The following CASP10 variants were observed in gnomAD, a reference collection of about 807,000 sequenced individuals.
CASP10 encodes the protein caspase 10, also known as caspase-10.
In CASP10, 41 loss-of-function variants were observed where a neutral mutation model predicts 48.5. The ratio of observed to expected loss-of-function variants is 0.85; its 90% CI spans 0.66 to 1.10. CASP10 has a LOEUF of 1.10. Ranked by LOEUF, CASP10 falls within the 50% of genes least tolerant of loss-of-function variation. CASP10 has a pLI of 0.00. For synonymous variants in CASP10, 232 were observed against 238.4 expected, an observed-to-expected ratio of 0.97 and a Z score of 0.25; for missense variants, 614 against 614.5, an observed-to-expected ratio of 1.00 and a Z score of 0.01.
intron 1 of CASP10, among the ~76,000 whole-genome samples, chr2:201,183,595 G>A (rs1019197076): frequency 1.3e-4 from 20 of 152,124 alleles, no homozygotes; most frequent in African/African-American, 4.6e-4. Context: ...TGCTAGATGC[G>A]GTAGAATAGA....
In CASP10 at chr2:201,218,626, T is replaced by A; in HGVS notation, c.*885T>A. On this transcript the variant is annotated 3_prime_UTR_variant, in exon 10 of 10. Transcript: ENST00000286186. Reference sequence around the variant, plus strand: ...CTGGGGACCAGGTGCATTTTAAGGTTCCTTGGTGTTCAAAAACCACGTTCT... The same window carrying A: ...CTGGGGACCAGGTGCATTTTAAGGTACCTTGGTGTTCAAAAACCACGTTCT... The A allele has an allele frequency of 1.0e-6, 1 of 985,386 alleles. No homozygotes were observed. Among genetic ancestry groups the A allele is most frequent in the Non-Finnish European group, 1.2e-6 (1 of 829,938 alleles). 61.0% of individuals were successfully genotyped at this position (985,386 alleles called of 1,614,324 possible). A position where few individuals can be genotyped will look rare whatever the true frequency, so the allele number is the denominator to read the frequency against.
At position 201,206,021 on chromosome 2, in the gene CASP10, C is replaced by T. The variant is rs534328018; in HGVS notation, c.813+48C>T. On this transcript the variant is annotated intron_variant, in intron 7 of 9. Coordinates refer to ENST00000286186, the MANE Select transcript of CASP10 (RefSeq NM_032977.4). ...CTTTTTTAATAAAAAAATTTTTTTT[C>T]CAAATTTAATCAAAAGGACGGTTTC... 4.1e-5 allele frequency: 51 copies of T among 1,247,846 alleles called. No homozygotes were observed. The African/African-American group carries it at 6.6e-4, about 16-fold the overall frequency. The allele number at this position is 1,247,846 out of a possible 1,614,324, so 77.3% of individuals were successfully genotyped here.
intron 9 of CASP10, among the ~76,000 whole-genome samples, chr2:201,210,734 G>A (rs1319938604): frequency 6.6e-6 from 1 of 152,144 alleles, no homozygotes; most frequent in African/African-American, 2.4e-5. Flanking sequence ...TTACTGTACT[G>A]GGTACCGAAC....
chr2:201,187,220 A>T (rs1576064800), intron 2 of CASP10, among the ~76,000 whole-genome samples: 1 of 152,270 alleles, frequency 6.6e-6, no homozygotes, highest in East Asian at 1.9e-4. Context: ...TCTCTGACAC[A>T]TAGGGGTGTT....
intron 9 of CASP10, among the ~76,000 whole-genome samples, chr2:201,227,291 C>A (rs1357653768): frequency 6.6e-6 from 1 of 152,084 alleles, no homozygotes; most frequent in Non-Finnish European, 1.5e-5. Flanking sequence ...TGCAGGGAAG[C>A]TTTGCCCTCT....
At chr2:201,191,252 A>G (rs1944601630) in intron 3 of CASP10, among the ~76,000 whole-genome samples, 1 of 152,144 alleles carries the variant, frequency 6.6e-6, no homozygotes, top group Admixed American at 6.5e-5. Context: ...CATGTGGCCA[A>G]ATGATCTTGT....
chr2:201,196,540 G>A (rs899587430), intron 5 of CASP10, among the ~76,000 whole-genome samples: 1 of 152,182 alleles, frequency 6.6e-6, no homozygotes, highest in East Asian at 1.9e-4. Flanking sequence ...TGATCCTTGG[G>A]AGATATGTGA....
At chr2:201,191,312 A>G (rs1003420899) in intron 3 of CASP10, among the ~76,000 whole-genome samples, 1 of 152,160 alleles carries the variant, frequency 6.6e-6, no homozygotes, top group Admixed American at 6.5e-5. Flanking sequence ...TAGCTGTGGC[A>G]TGGAATTGTG....
At chr2:201,208,396 T>G (rs1945280262) in intron 8 of CASP10, 2 of 984,954 alleles carry the variant, frequency 2.0e-6, no homozygotes, top group South Asian at 4.7e-5. Flanking sequence ...GAGGAGAGCA[T>G]GTACTGGGGG....
In CASP10 at chr2:201,219,269, A is replaced by T; in HGVS notation, c.*1528A>T. The T allele has an allele frequency of 4.1e-6, 1 of 242,582 alleles. No individual in the cohort carries two copies. The highest frequency in any genetic ancestry group is 6.6e-6 in the Non-Finnish European group (1 of 151,542). 15.0% of individuals were successfully genotyped at this position (242,582 alleles called of 1,614,324 possible). ...TGGGCAACAGGGCGAGACCTTGTTT[A>T]AAAAAAAAATTCAATATTGGGGTTG... On this transcript the variant is annotated 3_prime_UTR_variant, in exon 10 of 10. Coordinates refer to ENST00000286186, the MANE Select transcript of CASP10 (RefSeq NM_032977.4).
At chr2:201,193,453 C>A (rs1944681778) in intron 4 of CASP10, 1 of 329,068 alleles carries the variant, frequency 3.0e-6, no homozygotes, top group Non-Finnish European at 5.9e-6. Context: ...AGTGATCCAC[C>A]CACCTCGGCC....
Position 201,193,113 on chromosome 2 carries a change from G to C in CASP10, c.571G>C (p.Glu191Gln), listed in dbSNP as rs1181030521. ...LLRNIEKYKR[E>Q]KAIQIVTPPV... ...GAGAAACATAGAGAAATACAAAAGAGAGAAAGGTAAGTAGCTTGTGATTGC... is the reference window on the plus strand; with the variant it reads ...GAGAAACATAGAGAAATACAAAAGACAGAAAGGTAAGTAGCTTGTGATTGC... The change falls in exon 4 of 10, where the codon GAG (glutamate) becomes CAG (glutamine). Residue 191 changes from glutamate to glutamine, a missense_variant. By Grantham distance (29) the Glu-to-Gln change is conservative. Coordinates refer to ENST00000286186, the MANE Select transcript of CASP10 (RefSeq NM_032977.4). 1 of 1,613,482 alleles carries C rather than the reference G, an allele frequency of 6.2e-7. No individual in the cohort carries two copies. Among genetic ancestry groups the C allele is most frequent in the Non-Finnish European group, 8.5e-7 (1 of 1,179,700 alleles).
chr2:201,207,672 G>A (rs937125430), intron 7 of CASP10, among the ~76,000 whole-genome samples: 11 of 151,914 alleles, frequency 7.2e-5, no homozygotes, highest in East Asian at 1.9e-4. Context: ...CAGAAGACTC[G>A]CTTGAACCCA....
Position 201,221,236 on chromosome 2 carries a change from C to T in CASP10, c.*3495C>T, listed in dbSNP as rs904133783. 1.0e-6 allele frequency: 1 copy of T among 985,464 alleles called. No homozygotes were observed. The highest frequency in any genetic ancestry group is 5.2e-4 in the Middle Eastern group (1 of 1,914). 61.0% of individuals were successfully genotyped at this position (985,464 alleles called of 1,614,324 possible). On this transcript the variant is annotated 3_prime_UTR_variant, in exon 10 of 10. Transcript: ENST00000286186. ...TTCTTCCCTCACTGGTTCGTGATGT[C>T]TACCGCAGCAGAAGGCCAGCTCTTG... is the stretch of plus-strand genomic sequence containing the variant.
At chr2:201,191,734 C>T (rs1944618049) in intron 3 of CASP10, among the ~76,000 whole-genome samples, 2 of 152,140 alleles carry the variant, frequency 1.3e-5, no homozygotes, top group Admixed American at 6.6e-5. Flanking sequence ...GCATTCTGGG[C>T]TTTGTCTTTG....
chr2:201,209,431 C>A lies in CASP10; in HGVS notation c.1284C>A (p.Asp428Glu). 6.2e-7 allele frequency: 1 copy of A among 1,614,096 alleles called. No homozygotes were observed. The highest frequency in any genetic ancestry group is 8.5e-7 in the Non-Finnish European group (1 of 1,179,962). Residue 428 changes from aspartate (D) to glutamate (E), a missense_variant, in exon 9 of 10, where the codon GAC becomes GAA. Asp to Glu is a conservative substitution (Grantham distance 45). Coordinates refer to ENST00000286186, the MANE Select transcript of CASP10 (RefSeq NM_032977.4). ...AGCAGGCACCCACTTCCCTGCAGGACAGTATTCCTGCCGAGGCTGACTTCC... is the reference window on the plus strand; with the variant it reads ...AGCAGGCACCCACTTCCCTGCAGGAAAGTATTCCTGCCGAGGCTGACTTCC... Reference protein sequence around the residue: ...NPEQAPTSLQDSIPAEADFLL... With the variant: ...NPEQAPTSLQESIPAEADFLL...
At chr2:201,205,830 A>C in intron 6 of CASP10, 52 bp from the exon 7 acceptor site, 1 of 1,091,194 alleles carries the variant, frequency 9.2e-7, no homozygotes, top group South Asian at 1.2e-5. Flanking sequence ...ATCAGTGAAG[A>C]AATCTAAGTG....
intron 2 of CASP10, 63 bp from the exon 3 acceptor site, chr2:201,187,643 G>A: frequency 8.7e-7 from 1 of 1,147,044 alleles, no homozygotes; most frequent in East Asian, 2.3e-5. Flanking sequence ...GAAAGCACTT[G>A]ATTGATTATG....
chr2:201,209,791 C>T (rs1293696914), intron 9 of CASP10, among the ~76,000 whole-genome samples: 1 of 152,100 alleles, frequency 6.6e-6, no homozygotes, highest in African/African-American at 2.4e-5. Context: ...ATCTGTCCAT[C>T]CATCCATCCA....
Sources: gnomAD v4.1 joint callset for allele counts (sites outside exome capture counted in the v4.1 genomes callset) on GRCh38, gnomAD v4.1.1 for gene constraint, MANE v1.5 for transcripts, NCBI Gene and HGNC (gene_info 2026-07-23, HGNC 2026-07-21) for gene names.